The following KCP variants were observed in gnomAD, a reference collection of about 807,000 sequenced individuals.
The protein encoded by KCP is kielin cysteine rich BMP regulator.
In KCP, 194 loss-of-function variants were observed where a neutral mutation model predicts 212.7. The ratio of observed to expected loss-of-function variants is 0.91; its 90% confidence interval spans 0.81 to 1.03. The LOEUF is 1.03. Among genes scored for constraint, KCP ranks in the 50% least tolerant of loss-of-function variants. The probability of loss-of-function intolerance (pLI) is 0.00; values close to 1 mark genes in which losing one functional copy is unlikely to be tolerated. For missense variants in KCP, 2,080 were observed against 2,162.5 expected (o/e 0.96, Z 0.76); for synonymous variants, 833 against 865.3 (o/e 0.96, Z 0.65).
Position 128,908,307 on chromosome 7 carries a change from G to GT in KCP, c.219+118_219+119insA, listed in dbSNP as rs1554420571. 3.3e-5 allele frequency: 13 copies of GT among 396,966 alleles called. No homozygotes were observed. The African/African-American group carries it at 3.9e-4, about 12-fold the overall frequency. 24.6% of individuals were successfully genotyped at this position (396,966 alleles called of 1,614,324 possible). A position where few individuals can be genotyped will look rare whatever the true frequency, so the allele number is the denominator to read the frequency against. On this transcript the variant is annotated intron_variant, in intron 2 of 39. Transcript: ENST00000610776. ...GAAAGAAAGAAAGAAAGAAAGAAAG[G>GT]GAATTGTTCAGATAAGAGCTCTATT...
intron 8 of KCP, among the ~76,000 whole-genome samples, chr7:128,895,802 G>A (rs549640535): frequency 4.4e-4 from 67 of 152,346 alleles, no homozygotes; most frequent in African/African-American, 1.5e-3. Context: ...ATGTCAGGAA[G>A]TTACCCTATG....
In KCP at chr7:128,888,934, C is replaced by A. The variant is rs554345022; in HGVS notation, c.2441G>T (p.Arg814Leu). 1.3e-6 allele frequency: 2 copies of A among 1,549,972 alleles called. No individual in the cohort carries two copies. The highest frequency in any genetic ancestry group is 1.7e-6 in the Non-Finnish European group (2 of 1,146,548). Residue 814 changes from arginine (R) to leucine (L), a missense_variant, in exon 22 of 40, where the codon CGC becomes CTC. Physicochemically the swap from Arg to Leu is moderately radical, Grantham distance 102. Coordinates refer to ENST00000610776, the MANE Select transcript of KCP (RefSeq NM_001366122.1). Reference protein sequence around the residue: ...TCLGGFVTCGRRPCEPPGCSH... With the variant: ...TCLGGFVTCGLRPCEPPGCSH... ...GCAGCCCGGAGGCTCACAGGGCCGG[C>A]GGCCGCAGGTCACGAAGCCTCCAAG... is the stretch of plus-strand genomic sequence containing the variant.
Position 128,892,788 on chromosome 7 carries a change from C to G in KCP, c.1427G>C (p.Cys476Ser). 1 of 1,551,592 alleles carries G rather than the reference C, an allele frequency of 6.4e-7. No homozygotes were observed. The highest frequency in any genetic ancestry group is 8.7e-7 in the Non-Finnish European group (1 of 1,146,910). The change falls in exon 15 of 40, where the codon TGC becomes TCC. Residue 476 changes from cysteine (C) to serine (S), a missense_variant. Coordinates refer to ENST00000610776, the MANE Select transcript of KCP (RefSeq NM_001366122.1). ...CQHPTQPPGA[C>S]CPSCDSCTYH... ...GGTGCAGCTGTCACAGCTGGGGCAG[C>G]AGGCACCTGGGTGGGGCAGGCTGGT...
intron 7 of KCP, 37 bp from the exon 8 acceptor site, chr7:128,902,896 G>A (rs1794934726): frequency 2.0e-6 from 3 of 1,480,236 alleles, no homozygotes; most frequent in African/African-American, 1.4e-5. Context: ...AGGCCTGGTG[G>A]GAGCTGGCCT....
At position 128,910,680 on chromosome 7, in the gene KCP, A is replaced by G. The variant is rs1795389945; in HGVS notation, c.-4T>C. ...CAGCGGCCCCGACCCCGGCCATGCT[A>G]GCTCCGCCTCGCTCGGCTCGCCGTC... On this transcript the variant is annotated 5_prime_UTR_variant, in exon 1 of 40. Transcript: ENST00000610776. 1.3e-6 allele frequency: 2 copies of G among 1,496,698 alleles called. No homozygotes were observed. The allele number at this position is 1,496,698 out of a possible 1,614,324, so 92.7% of individuals were successfully genotyped here.
chr7:128,892,966 A>G lies in KCP; in HGVS notation c.1323T>C (p.Gly441=). Residue 441 remains glycine (G), a synonymous_variant, in exon 14 of 40, where the codon GGT becomes GGC. Transcript: ENST00000610776. ...FAEGVQWEPD[G]RPCTACVCQD... is the part of the protein sequence containing the mutation. ...GACAGACGCAGGCGGTGCAGGGCCG[A>G]CCATCAGGCTCCCACTGGACTCCCT... The G allele has an allele frequency of 8.1e-7, 1 of 1,236,754 alleles. No homozygotes were observed. Among genetic ancestry groups the G allele is most frequent in the South Asian group, 1.3e-5 (1 of 77,924 alleles). The allele number at this position is 1,236,754 out of a possible 1,614,324, so 76.6% of individuals were successfully genotyped here.
chr7:128,887,325 A>G, intron 22 of KCP, 25 bp from the exon 23 acceptor site: 1 of 1,531,292 alleles, frequency 6.5e-7, no homozygotes, highest in Non-Finnish European at 8.9e-7. Flanking sequence ...AGTCCAACAG[A>G]AGAGCTGCCA....
chr7:128,891,823 G>A lies in KCP; in HGVS notation c.1622-4C>T. On this transcript the variant is annotated splice_region_variant and splice_polypyrimidine_tract_variant and intron_variant, in intron 16 of 39. Coordinates refer to ENST00000610776, the MANE Select transcript of KCP (RefSeq NM_001366122.1). Reference sequence around the variant, plus strand: ...ACCTCTTCCTCCAGGATGCAGTCTGGGCAGTGGATGGTGGGGGCAGGTATG... The same window carrying A: ...ACCTCTTCCTCCAGGATGCAGTCTGAGCAGTGGATGGTGGGGGCAGGTATG... The A allele has an allele frequency of 6.9e-7, 1 of 1,443,470 alleles. No homozygotes were observed. Among genetic ancestry groups the A allele is most frequent in the East Asian group, 2.6e-5 (1 of 39,130 alleles). The allele number at this position is 1,443,470 out of a possible 1,614,324, so 89.4% of individuals were successfully genotyped here. A position where few individuals can be genotyped will look rare whatever the true frequency, so the allele number is the denominator to read the frequency against.
At chr7:128,891,157 A>T (rs1490683351) in intron 19 of KCP, 28 bp downstream of exon 19, 15 of 1,539,370 alleles carry the variant, frequency 9.7e-6, no homozygotes, top group African/African-American at 1.4e-5. Context: ...ACCCCCAGGG[A>T]GGAGCAGCCG....
rs17165895 is a variant in KCP at position 128,902,693 on chromosome 7, G to A, written c.831+84C>T. On this transcript the variant is annotated intron_variant, in intron 8 of 39. Transcript: ENST00000610776. ...CTGGGTCCCCTCTCAACACCTCTGC[G>A]AAGTACTCCATAGAATGAGCAAATG... The A allele has an allele frequency of 4.1e-3, 5,274 of 1,274,454 alleles. 182 individuals carry two copies. The African/African-American group carries it at 0.07, about 17-fold the overall frequency. 78.9% of individuals were successfully genotyped at this position (1,274,454 alleles called of 1,614,324 possible). A position where few individuals can be genotyped will look rare whatever the true frequency, so the allele number is the denominator to read the frequency against.
At chr7:128,910,531 C>T (rs2128951684) in intron 1 of KCP, 70 bp downstream of exon 1, 2 of 1,404,866 alleles carry the variant, frequency 1.4e-6, no homozygotes, top group South Asian at 2.7e-5. Context: ...TCTCGGCCCC[C>T]TCAGGCCGGG....
chr7:128,894,325 G>A (rs1033795430), intron 8 of KCP, 32 bp from the exon 9 acceptor site: 71 of 1,472,782 alleles, frequency 4.8e-5, no homozygotes, highest in African/African-American at 5.6e-5. Flanking sequence ...GGAAGGGGCC[G>A]ACAGGGCTCA....
chr7:128,887,981 CCA>C lies in KCP; in HGVS notation c.2513-683_2513-682del, dbSNP rs765698541. Among the ~76,000 whole-genome samples the C allele has an allele frequency of 7.8e-4, 107 of 136,842 alleles. 1 individual carries two copies. The highest frequency in any genetic ancestry group is 1.3e-3 in the Non-Finnish European group (84 of 62,892). The allele number at this position is 136,842 out of a possible 152,430, so 89.8% of individuals were successfully genotyped here. On this transcript the variant is annotated intron_variant, in intron 22 of 39. Coordinates refer to ENST00000610776, the MANE Select transcript of KCP (RefSeq NM_001366122.1). ...CCCACATACACAGATGCACACACAC[CCA>C]CACACAGAGACCCCCCCACATACAC...
chr7:128,878,621 G>T lies in KCP; in HGVS notation c.4248C>A (p.Asp1416Glu). The change falls in exon 38 of 40, where the codon GAC becomes GAA. Residue 1416 changes from aspartate (D) to glutamate (E), a missense_variant. Physicochemically the swap from Asp to Glu is conservative, Grantham distance 45. Coordinates refer to ENST00000610776, the MANE Select transcript of KCP (RefSeq NM_001366122.1). ...LCGNFNGFAQ[D>E]DLQGPEGLLL... ...GCAGCCCCTCAGGGCCCTGCAGATC[G>T]TCCTGGGCAAAGCCATTGAAGTTCC... is the stretch of plus-strand genomic sequence containing the variant. 6.4e-7 allele frequency: 1 copy of T among 1,551,474 alleles called. No homozygotes were observed. The highest frequency in any genetic ancestry group is 8.7e-7 in the Non-Finnish European group (1 of 1,146,988).
In KCP at chr7:128,882,024, G is replaced by A; in HGVS notation, c.3245-8C>T. On this transcript the variant is annotated splice_polypyrimidine_tract_variant and splice_region_variant and intron_variant, in intron 29 of 39. Transcript: ENST00000610776. ...AACAGTTACTCAAGGCCTCTGTGAA[G>A]ACAAGAATCCAGAGTGCGGGACAGA... is the stretch of plus-strand genomic sequence containing the variant. The A allele has an allele frequency of 6.5e-7, 1 of 1,549,592 alleles. No individual in the cohort carries two copies. The highest frequency in any genetic ancestry group is 8.7e-7 in the Non-Finnish European group (1 of 1,145,634).
rs1045049060 is a variant in KCP, at chr7:128,879,958, C to A, written c.3887G>T (p.Ser1296Ile). ...GTCCTTGGCCAGCACATAGCTGCAA[C>A]TGCCCTGGAAGTGCAGCAGGCGGCC... ...FDGRLLHFQG[S>I]CSYVLAKDCH... is the part of the protein sequence containing the mutation. The change falls in exon 35 of 40, where the codon AGT (serine) becomes ATT (isoleucine). Residue 1296 changes from serine to isoleucine, a missense_variant. Transcript: ENST00000610776. The A allele has an allele frequency of 6.4e-7, 1 of 1,550,940 alleles. No homozygotes were observed. Among genetic ancestry groups the A allele is most frequent in the African/African-American group, 1.4e-5 (1 of 73,170 alleles).
At chr7:128,904,976 C>T (rs1437310296) in intron 5 of KCP, among the ~76,000 whole-genome samples, 1 of 138,368 alleles carries the variant, frequency 7.2e-6, no homozygotes, top group Non-Finnish European at 1.5e-5. Context: ...GCACCACGTG[C>T]CCTGAAGAGT....
chr7:128,888,631 C>T (rs1210820714), intron 22 of KCP, among the ~76,000 whole-genome samples: 2 of 151,070 alleles, frequency 1.3e-5, no homozygotes, highest in East Asian at 3.9e-4. Context: ...CACACACATA[C>T]AGACACACAC....
rs1248822206 is a variant in KCP, at chr7:128,884,086, G to A, written c.3160C>T (p.Arg1054Trp). Residue 1054 changes from arginine to tryptophan, a missense_variant, in exon 29 of 40, where the codon CGG (arginine) becomes TGG (tryptophan). Physicochemically the swap from Arg to Trp is moderately radical, Grantham distance 101. Transcript: ENST00000610776. ...PEGPPSLRCH[R>W]RQCPSLVGCP... Reference sequence around the variant, plus strand: ...CCCACCAGGCTGGGACACTGCCGCCGGTGACAGCGAAGGCTGGGAGGCCCC... The same window carrying A: ...CCCACCAGGCTGGGACACTGCCGCCAGTGACAGCGAAGGCTGGGAGGCCCC... The A allele has an allele frequency of 2.6e-6, 4 of 1,544,728 alleles. No homozygotes were observed. Among genetic ancestry groups the A allele is most frequent in the Non-Finnish European group, 2.6e-6 (3 of 1,145,264 alleles).
Sources: allele counts gnomAD v4.1 joint callset (sites outside exome capture counted in the v4.1 genomes callset), GRCh38; gene constraint gnomAD v4.1.1; transcripts MANE v1.5; gene names NCBI Gene and HGNC (gene_info 2026-07-23, HGNC 2026-07-21).